Variants in BRI3BP observed in about 807,000 individuals in gnomAD.
The protein encoded by BRI3BP is BRI3 binding protein, also known as BRI3-binding protein.
Under a neutral mutation model 15.8 loss-of-function variants are expected in BRI3BP, and 7 were observed. That is an observed-to-expected ratio of 0.44 (90% CI 0.25 to 0.83). The LOEUF (loss-of-function observed/expected upper bound fraction) is 0.83, where lower values mean the gene tolerates loss of function less well. Ranked by LOEUF, BRI3BP falls within the 40% of genes least tolerant of loss-of-function variation. The pLI is 0.20. For synonymous variants in BRI3BP, 192 were observed against 163.5 expected, an observed-to-expected ratio of 1.17 and a Z score of -1.33; for missense variants, 320 against 339.3, an observed-to-expected ratio of 0.94 and a Z score of 0.45.
chr12:125,044,570 C>T, the BRI3BP span, among the ~76,000 whole-genome samples: 2 of 151,620 alleles, frequency 1.3e-5, no homozygotes, highest in Admixed American at 6.6e-5. Flanking sequence ...CCCCTTCAGC[C>T]TCCCAAGTAG....
intron 1 of BRI3BP, among the ~76,000 whole-genome samples, chr12:125,008,299 C>CTT (rs55697100): frequency 0.12 from 11,780 of 99,810 alleles, 588 homozygotes; most frequent in Non-Finnish European, 0.13. Flanking sequence ...CCTCTTCTTT[C>CTT]TTTTTTTTTT....
intron 2 of BRI3BP, 22 bp from the exon 3 acceptor site, chr12:125,024,969 G>T (rs1955336829): frequency 6.3e-6 from 10 of 1,593,072 alleles, no homozygotes; most frequent in Non-Finnish European, 6.9e-6. Context: ...AACGAGCCCT[G>T]TTCCTCTTTT....
At chr12:125,022,533 A>ATTTTTTTTTTTTTTTTTTTTTTTTTT in intron 2 of BRI3BP, among the ~76,000 whole-genome samples, 1 of 108,784 alleles carries the variant, frequency 9.2e-6, no homozygotes, top group African/African-American at 4.6e-5. Flanking sequence ...TTATTTATTT[A>ATTTTTTTTTTTTTTTTTTTTTTTTTT]TTTATTTATT....
intron 1 of BRI3BP, among the ~76,000 whole-genome samples, chr12:125,008,323 A>AAT (rs1955166042): frequency 1.5e-5 from 1 of 66,654 alleles, no homozygotes; most frequent in Non-Finnish European, 3.1e-5. Context: ...TTTTTTTTTG[A>AAT]TTTTTTTGAG....
intron 1 of BRI3BP, among the ~76,000 whole-genome samples, chr12:125,007,733 A>G (rs1422234848): frequency 6.6e-6 from 1 of 151,864 alleles, no homozygotes; most frequent in East Asian, 1.9e-4. Context: ...AAAAAAAAAA[A>G]GAGCGTACAT....
At position 125,025,467 on chromosome 12, in the gene BRI3BP, C is replaced by G. The variant is rs1449397012; in HGVS notation, c.*37C>G. On this transcript the variant is annotated 3_prime_UTR_variant, in exon 3 of 3. Transcript: ENST00000341446. The stretch of plus-strand genomic sequence containing the variant: ...CCGGGCGGGTCCACAGTTACCAGCA[C>G]GCTGTCTCAGAAAACGAAAACGGAG... 5 of 1,509,436 alleles carry G rather than the reference C, an allele frequency of 3.3e-6. No homozygotes were observed. In the East Asian group the frequency reaches 9.2e-5, roughly 28 times the overall value. The allele number at this position is 1,509,436 out of a possible 1,614,324, so 93.5% of individuals were successfully genotyped here. A position where few individuals can be genotyped will look rare whatever the true frequency, so the allele number is the denominator to read the frequency against.
At position 125,029,596 on chromosome 12, in the gene BRI3BP, T is replaced by G. The variant is rs1312030861; in HGVS notation, c.*4166T>G. 6.6e-6 allele frequency: 1 copy of G among 151,064 alleles called. No individual in the cohort carries two copies. Among genetic ancestry groups the G allele is most frequent in the Non-Finnish European group, 1.5e-5 (1 of 67,824 alleles). 9.4% of individuals were successfully genotyped at this position (151,064 alleles called of 1,614,324 possible). On this transcript the variant is annotated 3_prime_UTR_variant, in exon 3 of 3. Transcript: ENST00000341446. ...TATATATATACACACACACACACTT[T>G]CCAATACCAGTCGGCATTACCCGCC... is the stretch of plus-strand genomic sequence containing the variant.
rs937803399 is a variant in BRI3BP at position 125,028,563 on chromosome 12, T to C, written c.*3133T>C. 1 of 152,188 alleles carries C rather than the reference T, an allele frequency of 6.6e-6. No individual in the cohort carries two copies. Among genetic ancestry groups the C allele is most frequent in the African/African-American group, 2.4e-5 (1 of 41,448 alleles). 9.4% of individuals were successfully genotyped at this position (152,188 alleles called of 1,614,324 possible). On this transcript the variant is annotated 3_prime_UTR_variant, in exon 3 of 3. Transcript: ENST00000341446. ...AGTTTTATAGCTTGATACATTCTGGTGAAAGATGTCTTCATTTTTAATGAA... is the reference window on the plus strand; with the variant it reads ...AGTTTTATAGCTTGATACATTCTGGCGAAAGATGTCTTCATTTTTAATGAA...
At position 125,031,104 on chromosome 12, in the gene BRI3BP, G is replaced by T. The variant is rs534787199; in HGVS notation, c.*5674G>T. On this transcript the variant is annotated 3_prime_UTR_variant, in exon 3 of 3. Transcript: ENST00000341446. ...CTTATTTATTAAATCACTGGCTTTGGTGTTATGTAGAGATATTTGTAGATC... is the reference window on the plus strand; with the variant it reads ...CTTATTTATTAAATCACTGGCTTTGTTGTTATGTAGAGATATTTGTAGATC... 1 of 152,222 alleles carries T rather than the reference G, an allele frequency of 6.6e-6. No homozygotes were observed. The highest frequency in any genetic ancestry group is 1.9e-4 in the East Asian group (1 of 5,192). 9.4% of individuals were successfully genotyped at this position (152,222 alleles called of 1,614,324 possible). A position where few individuals can be genotyped will look rare whatever the true frequency, so the allele number is the denominator to read the frequency against.
rs1204055694 is a variant in BRI3BP, at chr12:125,029,683, A to G, written c.*4253A>G. On this transcript the variant is annotated 3_prime_UTR_variant, in exon 3 of 3. Transcript: ENST00000341446. ...TCATTTCTGGTAACAGAGCACAGCA[A>G]TAGAATTTCTGGGAAGCAGACCTTG... 5 of 152,060 alleles carry G rather than the reference A, an allele frequency of 3.3e-5. No homozygotes were observed. The highest frequency in any genetic ancestry group is 1.2e-4 in the African/African-American group (5 of 41,404). The allele number at this position is 152,060 out of a possible 1,614,324, so 9.4% of individuals were successfully genotyped here.
downstream of BRI3BP, among the ~76,000 whole-genome samples, chr12:125,035,752 C>T (rs1955436758): frequency 6.6e-6 from 1 of 152,004 alleles, no homozygotes; most frequent in Non-Finnish European, 1.5e-5. Flanking sequence ...CCAGTATGCC[C>T]GGCCTGTCAG....
intron 1 of BRI3BP, among the ~76,000 whole-genome samples, chr12:125,010,815 C>T (rs993548132): frequency 4.0e-5 from 6 of 151,502 alleles, no homozygotes; most frequent in East Asian, 1.9e-4. Flanking sequence ...TGTAGCTGCC[C>T]GGGTGTGGTG....
At chr12:125,000,480 AT>A (rs199891073) in intron 1 of BRI3BP, among the ~76,000 whole-genome samples, 1 of 151,058 alleles carries the variant, frequency 6.6e-6, no homozygotes, top group East Asian at 1.9e-4. Context: ...CGCCCGGCTA[AT>A]TTTTTGTATT....
At position 125,029,531 on chromosome 12, in the gene BRI3BP, CA is replaced by C. The variant is rs545402158; in HGVS notation, c.*4115del. The C allele has an allele frequency of 0.063, 6,304 of 100,064 alleles. 144 individuals carry two copies. The highest frequency in any genetic ancestry group is 0.088 in the African/African-American group (2,357 of 26,720). The allele number at this position is 100,064 out of a possible 1,614,324, so 6.2% of individuals were successfully genotyped here. A position where few individuals can be genotyped will look rare whatever the true frequency, so the allele number is the denominator to read the frequency against. ...GAGGCGACAGAGTGAGACCCAGTCTCAAAAAAAAAAAAAAGTGTGTGTGTGT... is the reference window on the plus strand; with the variant it reads ...GAGGCGACAGAGTGAGACCCAGTCTCAAAAAAAAAAAAAGTGTGTGTGTGT... On this transcript the variant is annotated 3_prime_UTR_variant, in exon 3 of 3. Transcript: ENST00000341446.
intron 2 of BRI3BP, among the ~76,000 whole-genome samples, chr12:125,023,438 G>C (rs186623869): frequency 6.6e-6 from 1 of 152,312 alleles, no homozygotes; most frequent in East Asian, 1.9e-4. Flanking sequence ...GCTAGGAAAT[G>C]CTTTAATCCT....
intron 1 of BRI3BP, among the ~76,000 whole-genome samples, chr12:125,008,635 C>T (rs1368063942): frequency 3.3e-5 from 5 of 152,174 alleles, no homozygotes; most frequent in South Asian, 2.1e-4. Flanking sequence ...TCTAATGCAG[C>T]GGTCCTCAAC....
Position 125,029,314 on chromosome 12 carries a change from GA to G in BRI3BP, c.*3885del, listed in dbSNP as rs773569378. On this transcript the variant is annotated 3_prime_UTR_variant, in exon 3 of 3. Transcript: ENST00000341446. ...GGATCACTTGCGGTCGGGAGTTCGA[GA>G]CCAGCCTGGCCAACATAGTGAAATC... is the stretch of plus-strand genomic sequence containing the variant. 6.7e-5 allele frequency: 9 copies of G among 133,910 alleles called. No homozygotes were observed. The South Asian group carries it at 1.4e-3, about 21-fold the overall frequency. 8.3% of individuals were successfully genotyped at this position (133,910 alleles called of 1,614,324 possible). A position where few individuals can be genotyped will look rare whatever the true frequency, so the allele number is the denominator to read the frequency against.
At chr12:124,997,159 G>A (rs545717424) in intron 1 of BRI3BP, among the ~76,000 whole-genome samples, 11 of 143,418 alleles carry the variant, frequency 7.7e-5, no homozygotes, top group African/African-American at 2.4e-4. Flanking sequence ...TTTCTCACTC[G>A]CTCTGTGACC....
At chr12:125,043,091 G>T in the BRI3BP span, among the ~76,000 whole-genome samples, 1 of 151,994 alleles carries the variant, frequency 6.6e-6, no homozygotes, top group African/African-American at 2.4e-5. Context: ...CACTTCACTT[G>T]CTCTGTGTGT....
Sources: allele counts gnomAD v4.1 joint callset (sites outside exome capture counted in the v4.1 genomes callset), GRCh38; gene constraint gnomAD v4.1.1; transcripts MANE v1.5; gene names NCBI Gene and HGNC (gene_info 2026-07-23, HGNC 2026-07-21).